Variants in NOL4 observed in about 807,000 individuals in gnomAD.
NOL4 encodes the protein cancer/testis antigen 125.
A neutral mutation model predicts 75.9 loss-of-function variants in NOL4; 17 were observed. The ratio of observed to expected loss-of-function variants is 0.22; its 90% CI spans 0.15 to 0.34. The LOEUF (loss-of-function observed/expected upper bound fraction) is 0.34, where lower values mean the gene tolerates loss of function less well. Among genes scored for constraint, NOL4 ranks in the 10% least tolerant of loss-of-function variants. NOL4 has a pLI of 1.00. For missense variants in NOL4, 614 were observed against 793.5 expected, an observed-to-expected ratio of 0.77 and a Z score of 2.72; for synonymous variants, 292 against 289.9, an observed-to-expected ratio of 1.01 and a Z score of -0.07.
Position 34,222,999 on chromosome 18 carries a change from G to C in NOL4, c.255C>G (p.Val85=). 1 of 1,607,846 alleles carries C rather than the reference G, an allele frequency of 6.2e-7. No homozygotes were observed. The highest frequency in any genetic ancestry group is 1.1e-5 in the South Asian group (1 of 91,010). ...GGAKQVLYVP[V]KTTDGVGVDE... ...AAGGCGAGTCACTCACCGTGGTCTTGACAGGCACGTAGAGCACTTGCTTGG... is the reference window on the plus strand; with the variant it reads ...AAGGCGAGTCACTCACCGTGGTCTTCACAGGCACGTAGAGCACTTGCTTGG... Residue 85 remains valine (V), a synonymous_variant, in exon 1 of 11, where the codon GTC becomes GTG. Transcript: ENST00000261592.
chr18:34,109,248 T>C (rs1318295854), intron 2 of NOL4, among the ~76,000 whole-genome samples: 1 of 151,994 alleles, frequency 6.6e-6, no homozygotes, highest in Non-Finnish European at 1.5e-5. Flanking sequence ...TGGTGGCTCA[T>C]GCCTGTAATC....
At chr18:34,032,773 A>C (rs2075703916) in intron 5 of NOL4, among the ~76,000 whole-genome samples, 1 of 152,076 alleles carries the variant, frequency 6.6e-6, no homozygotes, top group Non-Finnish European at 1.5e-5. Flanking sequence ...CTGAACCAAC[A>C]AACACCAGGG....
intron 1 of NOL4, among the ~76,000 whole-genome samples, chr18:34,163,083 ACATATCTCAAAATAATAAGAGCTATC>A (rs1292236436): frequency 6.6e-6 from 1 of 152,198 alleles, no homozygotes; most frequent in East Asian, 1.9e-4. Context: ...TATTGATGGG[ACATATCTCAAAATAATAAGAGCTATC>A]TATGACAAAC....
intron 5 of NOL4, among the ~76,000 whole-genome samples, chr18:34,047,935 GC>G (rs2076456733): frequency 6.6e-6 from 1 of 152,048 alleles, no homozygotes; most frequent in Non-Finnish European, 1.5e-5. Flanking sequence ...ACTCAAAAAT[GC>G]CTTTTCATCA....
rs1425768022 is a variant in NOL4 at position 34,223,322 on chromosome 18, A to T, written c.-69T>A. 5 of 1,560,088 alleles carry T rather than the reference A, an allele frequency of 3.2e-6. No individual in the cohort carries two copies. The highest frequency in any genetic ancestry group is 4.3e-6 in the Non-Finnish European group (5 of 1,156,864). ...CGCACCTGTTCACCCTAGGCTCATGAAAAATGCAGCCCCGGCCACGTTGCA... is the reference window on the plus strand; with the variant it reads ...CGCACCTGTTCACCCTAGGCTCATGTAAAATGCAGCCCCGGCCACGTTGCA... On this transcript the variant is annotated 5_prime_UTR_variant, in exon 1 of 11. Transcript: ENST00000261592.
In NOL4 at chr18:34,144,862, G is replaced by A. The variant is rs138400922; in HGVS notation, c.265-14842C>T. Among the ~76,000 whole-genome samples, 127 of 152,102 alleles carry A rather than the reference G, an allele frequency of 8.3e-4. 1 individual carries two copies. The highest frequency in any genetic ancestry group is 2.7e-3 in the African/African-American group (113 of 41,520). ...GTTCTCCATGACTCTTCTCCTTATA[G>A]GATCTACTTGGAATATGCTTTTTCT... On this transcript the variant is annotated intron_variant, in intron 1 of 10. Transcript: ENST00000261592.
chr18:33,887,037 T>TATATCTAGATCTA (rs1434156084), intron 9 of NOL4, among the ~76,000 whole-genome samples: 1 of 135,492 alleles, frequency 7.4e-6, no homozygotes, highest in Non-Finnish European at 1.6e-5. Flanking sequence ...CTAGATATAT[T>TATATCTAGATCTA]ATATCTAGAT....
At chr18:33,925,984 G>T (rs76788769) in intron 9 of NOL4, among the ~76,000 whole-genome samples, 5,082 of 152,058 alleles carry the variant, frequency 0.033, 96 homozygotes, top group East Asian at 0.054. Flanking sequence ...TGAATAATTT[G>T]AAAATAAAGG....
chr18:33,893,576 C>T (rs1008517076), intron 9 of NOL4, among the ~76,000 whole-genome samples: 8 of 152,116 alleles, frequency 5.3e-5, no homozygotes, highest in African/African-American at 1.9e-4. Context: ...ATTAACTTTT[C>T]TAAATCTTCC....
At chr18:33,932,795 T>C (rs192648581) in intron 9 of NOL4, among the ~76,000 whole-genome samples, 1 of 152,072 alleles carries the variant, frequency 6.6e-6, no homozygotes, top group South Asian at 2.1e-4. Flanking sequence ...AGAAATTTTT[T>C]CAACTTTTCT....
chr18:33,929,250 G>A (rs972133028), intron 9 of NOL4, among the ~76,000 whole-genome samples: 1 of 152,106 alleles, frequency 6.6e-6, no homozygotes, highest in African/African-American at 2.4e-5. Context: ...ACAATCTCAA[G>A]TTTCCTCCAT....
intron 1 of NOL4, among the ~76,000 whole-genome samples, chr18:34,149,271 C>T (rs1478872403): frequency 1.3e-5 from 2 of 151,534 alleles, no homozygotes; most frequent in African/African-American, 2.4e-5. Flanking sequence ...CCATAGCCAA[C>T]AATCTGTAAT....
chr18:33,914,382 C>T (rs1055206490), intron 9 of NOL4, among the ~76,000 whole-genome samples: 1 of 152,044 alleles, frequency 6.6e-6, no homozygotes, highest in Non-Finnish European at 1.5e-5. Context: ...AGAGAAGGGA[C>T]ACAAAGTCTA....
chr18:34,137,421 A>G (rs568488702), intron 1 of NOL4, among the ~76,000 whole-genome samples: 3 of 152,198 alleles, frequency 2.0e-5, no homozygotes, highest in Non-Finnish European at 4.4e-5. Context: ...TAATATATGA[A>G]AACACAACTC....
intron 9 of NOL4, among the ~76,000 whole-genome samples, chr18:33,906,212 C>T (rs984489215): frequency 2.0e-5 from 3 of 152,128 alleles, no homozygotes; most frequent in Non-Finnish European, 4.4e-5. Flanking sequence ...GTCGGAGAGT[C>T]ATGACCCGAC....
chr18:33,978,629 AG>A (rs976254604), intron 6 of NOL4, among the ~76,000 whole-genome samples: 15 of 152,062 alleles, frequency 9.9e-5, no homozygotes, highest in Non-Finnish European at 1.6e-4. Context: ...CCTCAGTACC[AG>A]GGGAGACTGG....
chr18:33,993,208 T>C (rs2073047693), intron 6 of NOL4, among the ~76,000 whole-genome samples: 1 of 151,892 alleles, frequency 6.6e-6, no homozygotes, highest in East Asian at 1.9e-4. Flanking sequence ...GAACAGCAAA[T>C]TATACTCCAG....
At chr18:34,191,560 T>C (rs902543087) in intron 1 of NOL4, among the ~76,000 whole-genome samples, 1 of 152,184 alleles carries the variant, frequency 6.6e-6, no homozygotes, top group Non-Finnish European at 1.5e-5. Context: ...TCTATCTCTC[T>C]GTTGTTTGCA....
intron 6 of NOL4, among the ~76,000 whole-genome samples, chr18:34,010,736 G>C (rs1396612470): frequency 6.6e-6 from 1 of 151,710 alleles, no homozygotes; most frequent in Non-Finnish European, 1.5e-5. Context: ...GTCTGTTGAA[G>C]AAAAGCCATT....
Sources: gnomAD v4.1 joint callset for allele counts (sites outside exome capture counted in the v4.1 genomes callset) on GRCh38, gnomAD v4.1.1 for gene constraint, MANE v1.5 for transcripts, NCBI Gene and HGNC (gene_info 2026-07-23, HGNC 2026-07-21) for gene names.